DNAH9: variants seen among roughly 807,000 people sequenced by gnomAD.
The protein encoded by DNAH9 is dynein axonemal heavy chain 9.
Under a neutral mutation model 471.6 loss-of-function variants are expected in DNAH9, and 345 were observed. That is an observed-to-expected ratio of 0.73 (90% CI 0.67 to 0.80). The LOEUF (loss-of-function observed/expected upper bound fraction) is 0.80, where lower values mean the gene tolerates loss of function less well. Ranked by LOEUF, DNAH9 falls within the 30% of genes least tolerant of loss-of-function variation. The probability of loss-of-function intolerance (pLI) is 0.00; values close to 1 mark genes in which losing one functional copy is unlikely to be tolerated. For missense variants in DNAH9, 5,407 were observed against 5,609.2 expected (o/e 0.96, Z 1.15); for synonymous variants, 2,093 against 2,123.6 (o/e 0.99, Z 0.40).
rs184989529 is a variant in DNAH9 at position 11,886,833 on chromosome 17, G to T, written c.10980G>T (p.Glu3660Asp). The change falls in exon 57 of 69, where the codon GAG becomes GAT. Residue 3660 changes from glutamate (E) to aspartate (D), a missense_variant. By Grantham distance (45) the Glu-to-Asp change is conservative. Coordinates refer to ENST00000262442, the MANE Select transcript of DNAH9 (RefSeq NM_001372.4). Reference sequence around the variant, plus strand: ...GTTTATTTTTCCAACAGGTCCAGGAGGCCAAGGTGACTGAAGTGAAAATCA... The same window carrying T: ...GTTTATTTTTCCAACAGGTCCAGGATGCCAAGGTGACTGAAGTGAAAATCA... ...TAAEVEKKVQ[E>D]AKVTEVKINE... is the part of the protein sequence containing the mutation. The T allele has an allele frequency of 6.2e-7, 1 of 1,611,354 alleles. No homozygotes were observed. Among genetic ancestry groups the T allele is most frequent in the East Asian group, 2.2e-5 (1 of 44,802 alleles).
chr17:11,915,201 T>C lies in DNAH9; in HGVS notation c.11750-8613T>C, dbSNP rs76675412. Among the ~76,000 whole-genome samples the C allele has an allele frequency of 3.1e-3, 467 of 152,292 alleles. 5 individuals are homozygous for C. Among genetic ancestry groups the C allele is most frequent in the African/African-American group, 0.011 (440 of 41,558 alleles). On this transcript the variant is annotated intron_variant, in intron 61 of 68. Coordinates refer to ENST00000262442, the MANE Select transcript of DNAH9 (RefSeq NM_001372.4). ...GAGTCATGTTGCTAAATCTCAAATG[T>C]GATTGTATCACTCTTCTACTTAAAA...
chr17:11,957,410 G>C (rs975364413), intron 67 of DNAH9, among the ~76,000 whole-genome samples: 1 of 151,994 alleles, frequency 6.6e-6, no homozygotes, highest in Non-Finnish European at 1.5e-5. Flanking sequence ...CTCCTGCTAA[G>C]TATAAATAAA....
At chr17:11,756,118 A>G (rs2150857515) in intron 33 of DNAH9, among the ~76,000 whole-genome samples, 1 of 152,250 alleles carries the variant, frequency 6.6e-6, no homozygotes, top group East Asian at 1.9e-4. Flanking sequence ...TCTACAAAAA[A>G]TACAAAAAAT....
intron 6 of DNAH9, among the ~76,000 whole-genome samples, chr17:11,621,968 C>G (rs528007260): frequency 6.6e-6 from 1 of 152,062 alleles, no homozygotes; most frequent in South Asian, 2.1e-4. Flanking sequence ...CACCTGTAGT[C>G]TCAGCTACTC....
At position 11,669,471 on chromosome 17, in the gene DNAH9, C is replaced by G; in HGVS notation, c.3030C>G (p.Phe1010Leu). ...TCTGCTGTGGCTATCAGAGCACCTT[C>G]AGCCAGTATTCGTACCTCTATGTGG... is the stretch of plus-strand genomic sequence containing the variant. ...MGLCCGYQSTFSQYSYLYVED... is the reference protein window; with the variant it reads ...MGLCCGYQSTLSQYSYLYVED... Residue 1010 changes from phenylalanine to leucine, a missense_variant, in exon 17 of 69, where the codon TTC (phenylalanine) becomes TTG (leucine). Phe to Leu is a conservative substitution (Grantham distance 22). This residue lies in a region of DNAH9 where 4,636 missense variants were observed against 4,900.3 expected (regional missense o/e 0.95). Coordinates refer to ENST00000262442, the MANE Select transcript of DNAH9 (RefSeq NM_001372.4). The G allele has an allele frequency of 6.2e-7, 1 of 1,614,088 alleles. No individual in the cohort carries two copies. Among genetic ancestry groups the G allele is most frequent in the Non-Finnish European group, 8.5e-7 (1 of 1,179,980 alleles).
intron 38 of DNAH9, among the ~76,000 whole-genome samples, chr17:11,775,595 CTTTTT>C (rs71142246): frequency 8.2e-5 from 5 of 61,014 alleles, no homozygotes; most frequent in African/African-American, 2.3e-4. Context: ...ATCAGATGTT[CTTTTT>C]TTTTTTTTTT....
At chr17:11,693,751 C>A in intron 20 of DNAH9, 117 bp from the exon 21 acceptor site, 1 of 1,079,412 alleles carries the variant, frequency 9.3e-7, no homozygotes, top group Non-Finnish European at 1.4e-6. Flanking sequence ...TTCGTTGAGT[C>A]TATTCTCTGT....
chr17:11,933,935 T>A lies in DNAH9; in HGVS notation c.12353T>A (p.Ile4118Asn). 6.2e-7 allele frequency: 1 copy of A among 1,614,100 alleles called. No homozygotes were observed. The highest frequency in any genetic ancestry group is 1.3e-5 in the African/African-American group (1 of 75,010). ...LFGEIMYGGH[I>N]TDDWDRRLCR... The stretch of plus-strand genomic sequence containing the variant: ...GGAGAGATCATGTATGGAGGCCATA[T>A]CACAGATGACTGGGACAGAAGACTC... The change falls in exon 65 of 69, where the codon ATC becomes AAC. Residue 4118 changes from isoleucine (I) to asparagine (N), a missense_variant. Around this residue, in one of 3 missense-constraint regions of DNAH9, gnomAD observed 4,636 missense variants for 4,900.3 expected, o/e 0.95. Transcript: ENST00000262442.
chr17:11,632,727 C>T (rs2073093150), intron 8 of DNAH9, 24 bp downstream of exon 8: 2 of 1,219,832 alleles, frequency 1.6e-6, no homozygotes, highest in East Asian at 4.6e-5. Context: ...GGGCAGGAGC[C>T]ACTCGGTCCT....
At chr17:11,633,691 T>C (rs2073109481) in intron 8 of DNAH9, among the ~76,000 whole-genome samples, 1 of 152,182 alleles carries the variant, frequency 6.6e-6, no homozygotes, top group South Asian at 2.1e-4. Context: ...TGATCATGTA[T>C]GCTATTAACT....
intron 38 of DNAH9, among the ~76,000 whole-genome samples, chr17:11,772,771 G>C (rs1339963889): frequency 6.6e-6 from 1 of 152,178 alleles, no homozygotes; most frequent in African/African-American, 2.4e-5. Context: ...GATGGAGAAA[G>C]CTACTGTTCC....
At chr17:11,709,509 A>G (rs2074795074) in intron 26 of DNAH9, among the ~76,000 whole-genome samples, 1 of 152,166 alleles carries the variant, frequency 6.6e-6, no homozygotes, top group African/African-American at 2.4e-5. Flanking sequence ...AATTAATCAA[A>G]TGGACAATTG....
intron 38 of DNAH9, among the ~76,000 whole-genome samples, chr17:11,778,013 CAG>C (rs1968505084): frequency 6.6e-6 from 1 of 151,926 alleles, no homozygotes; most frequent in African/African-American, 2.4e-5. Context: ...GAAGCTGGGG[CAG>C]AGGATAGCAG....
chr17:11,866,520 A>G (rs1355775992), intron 50 of DNAH9, among the ~76,000 whole-genome samples: 2 of 152,148 alleles, frequency 1.3e-5, no homozygotes, highest in African/African-American at 2.4e-5. Context: ...CTCCAGCTGC[A>G]TGCTGGGAGA....
At chr17:11,747,284 G>A (rs1344127041) in intron 31 of DNAH9, among the ~76,000 whole-genome samples, 1 of 152,138 alleles carries the variant, frequency 6.6e-6, no homozygotes, top group Non-Finnish European at 1.5e-5. Flanking sequence ...TAAGATCACA[G>A]AGGGCAGGAG....
At chr17:11,839,495 A>G (rs1272466851) in intron 49 of DNAH9, among the ~76,000 whole-genome samples, 2 of 151,834 alleles carry the variant, frequency 1.3e-5, no homozygotes, top group African/African-American at 4.8e-5. Context: ...CAGCCTGGGC[A>G]ACAGAGCGAG....
At chr17:11,693,809 G>A (rs2074379429) in intron 20 of DNAH9, 59 bp from the exon 21 acceptor site, 3 of 1,589,046 alleles carry the variant, frequency 1.9e-6, no homozygotes, top group Non-Finnish European at 2.6e-6. Context: ...GCTCCATGGA[G>A]GGAGCTTCTA....
At chr17:11,708,892 G>A (rs1284865401) in intron 26 of DNAH9, among the ~76,000 whole-genome samples, 1 of 152,098 alleles carries the variant, frequency 6.6e-6, no homozygotes, top group East Asian at 1.9e-4. Flanking sequence ...ACCTAGCACT[G>A]TGTCTAGCAC....
chr17:11,626,070 C>T lies in DNAH9; in HGVS notation c.1351-3347C>T, dbSNP rs747456579. ...CTAGTAAATGATGGAACCAGAGTTG[C>T]GTAAACTCAGGGTTTTTTGTTTGTT... On this transcript the variant is annotated intron_variant, in intron 6 of 68. Coordinates refer to ENST00000262442, the MANE Select transcript of DNAH9 (RefSeq NM_001372.4). The surrounding 1 kb of genome is among the most constrained non-coding windows in gnomAD (Gnocchi z 4.3). Among the ~76,000 whole-genome samples the T allele has an allele frequency of 6.6e-5, 10 of 152,162 alleles. No homozygotes were observed. The highest frequency in any genetic ancestry group is 2.1e-4 in the South Asian group (1 of 4,828).
Sources: allele counts gnomAD v4.1 joint callset (sites outside exome capture counted in the v4.1 genomes callset), GRCh38; gene constraint gnomAD v4.1.1; regional missense constraint gnomAD v4.1.1; non-coding constraint Gnocchi (gnomAD v3.1); transcripts MANE v1.5; gene names NCBI Gene and HGNC (gene_info 2026-07-23, HGNC 2026-07-21).